The following DPP3 variants were observed in gnomAD, a reference collection of about 807,000 sequenced individuals.
DPP3 encodes the protein dipeptidyl peptidase 3.
DPP3 carries 64 observed loss-of-function variants against 89.8 expected under a neutral mutation model. That is an observed-to-expected ratio of 0.71 (90% confidence interval 0.58 to 0.88). DPP3 has a LOEUF of 0.88. DPP3 is among the 40% of genes least tolerant of loss of function. The pLI is 0.00. For missense variants in DPP3, 835 were observed against 972.5 expected (o/e 0.86, Z 1.88); for synonymous variants, 377 against 404.3 (o/e 0.93, Z 0.81).
chr11:66,495,585 A>C, intron 14 of DPP3, 45 bp from the exon 15 acceptor site: 1 of 1,613,818 alleles, frequency 6.2e-7, no homozygotes, highest in Non-Finnish European at 8.5e-7. Context: ...GGATGGGGAC[A>C]GGGCAGCCTC....
chr11:66,498,645 G>C (rs1176021067), intron 16 of DPP3, among the ~76,000 whole-genome samples: 1 of 152,228 alleles, frequency 6.6e-6, no homozygotes, highest in African/African-American at 2.4e-5. Flanking sequence ...AACAGCCCCA[G>C]AGAGAAGGTT....
intron 7 of DPP3, 43 bp downstream of exon 7, chr11:66,491,426 T>A (rs200734065): frequency 6.2e-7 from 1 of 1,606,146 alleles, no homozygotes; most frequent in Non-Finnish European, 8.5e-7. Context: ...TGAGGACCCC[T>A]CTGGGCAGCA....
At chr11:66,498,614 G>A (rs1855602086) in intron 16 of DPP3, among the ~76,000 whole-genome samples, 1 of 152,176 alleles carries the variant, frequency 6.6e-6, no homozygotes, top group African/African-American at 2.4e-5. Context: ...CACTTCTACA[G>A]GATATAATTT....
rs775403555 is a variant in DPP3 at position 66,486,693 on chromosome 11, C to G, written c.498+16C>G. 1.3e-6 allele frequency: 2 copies of G among 1,491,914 alleles called. No individual in the cohort carries two copies. Among genetic ancestry groups the G allele is most frequent in the East Asian group, 5.0e-5 (2 of 39,810 alleles). 92.4% of individuals were successfully genotyped at this position (1,491,914 alleles called of 1,614,324 possible). A position where few individuals can be genotyped will look rare whatever the true frequency, so the allele number is the denominator to read the frequency against. Reference sequence around the variant, plus strand: ...GGGGAAGGAGGTGAGGCCCCTGACTCCCCCGAGGGGACAGGGAGTGGAGGG... The same window carrying G: ...GGGGAAGGAGGTGAGGCCCCTGACTGCCCCGAGGGGACAGGGAGTGGAGGG... On this transcript the variant is annotated intron_variant, in intron 4 of 17. Transcript: ENST00000531863.
intron 17 of DPP3, among the ~76,000 whole-genome samples, chr11:66,506,833 A>G (rs1855814068): frequency 6.6e-6 from 1 of 151,778 alleles, no homozygotes; most frequent in African/African-American, 2.4e-5. Context: ...ACCCTGTGAG[A>G]GAGGTTGTCT....
At position 66,501,047 on chromosome 11, in the gene DPP3, G is replaced by C. The variant is rs558563748; in HGVS notation, c.1879-3565G>C. Among the ~76,000 whole-genome samples, 20 of 152,272 alleles carry C rather than the reference G, an allele frequency of 1.3e-4. No homozygotes were observed. In the South Asian group the frequency reaches 3.9e-3, roughly 30 times the overall value. On this transcript the variant is annotated intron_variant, in intron 16 of 17. Transcript: ENST00000531863. The stretch of plus-strand genomic sequence containing the variant: ...CTACTAAAAATAAAAAATTAGCCGG[G>C]TATGGTGGCATTTGCCTGTAGTCCC...
chr11:66,499,406 C>T (rs1468204860), intron 16 of DPP3, among the ~76,000 whole-genome samples: 1 of 151,970 alleles, frequency 6.6e-6, no homozygotes. Flanking sequence ...ATTTATAACA[C>T]ATATGGTTAG....
intron 9 of DPP3, 139 bp downstream of exon 9, chr11:66,491,895 C>T (rs139054866): frequency 3.3e-4 from 314 of 943,028 alleles, no homozygotes; most frequent in Non-Finnish European, 4.9e-4. Context: ...AAATAAACAC[C>T]GTTTACAATG....
Position 66,497,284 on chromosome 11 carries a change from C to A in DPP3, c.1699-14C>A. ...ATACGGGCTACAAATGCTGTCTTTC[C>A]CCTGCTCCGGCAGGCCCATATGCAG... On this transcript the variant is annotated splice_polypyrimidine_tract_variant and intron_variant, in intron 15 of 17. Coordinates refer to ENST00000531863, the MANE Select transcript of DPP3 (RefSeq NM_130443.4). 2 of 1,611,106 alleles carry A rather than the reference C, an allele frequency of 1.2e-6. No homozygotes were observed.
chr11:66,509,000 T>G (rs1388777083), intron 17 of DPP3, 79 bp from the exon 18 acceptor site: 1 of 1,538,218 alleles, frequency 6.5e-7, no homozygotes, highest in African/African-American at 1.4e-5. Flanking sequence ...GCTGTAATTG[T>G]GATTATTAAG....
At position 66,497,316 on chromosome 11, in the gene DPP3, T is replaced by A; in HGVS notation, c.1717T>A (p.Phe573Ile). Residue 573 changes from phenylalanine to isoleucine, a missense_variant, in exon 16 of 18, where the codon TTT becomes ATT. Phe to Ile is a conservative substitution (Grantham distance 21). Transcript: ENST00000531863. ...CCGGCAGGCCCATATGCAGGCCCGG[T>A]TTGTGATCCTGAGAGTCTTGCTGGA... The part of the protein sequence containing the change: ...NWRQAHMQAR[F>I]VILRVLLEAG... The A allele has an allele frequency of 6.2e-7, 1 of 1,613,774 alleles. No individual in the cohort carries two copies. Among genetic ancestry groups the A allele is most frequent in the Non-Finnish European group, 8.5e-7 (1 of 1,179,952 alleles).
At chr11:66,502,188 C>CA (rs1189120805) in intron 16 of DPP3, among the ~76,000 whole-genome samples, 4 of 151,052 alleles carry the variant, frequency 2.6e-5, no homozygotes, top group Non-Finnish European at 5.9e-5. Context: ...GACTCCATCT[C>CA]AAAAAAAAGA....
At chr11:66,482,674 C>A in intron 2 of DPP3, among the ~76,000 whole-genome samples, 1 of 152,214 alleles carries the variant, frequency 6.6e-6, no homozygotes, top group East Asian at 1.9e-4. Context: ...GTTGTGATGA[C>A]CCACTTAGAA....
rs1301178563 is a variant in DPP3 at position 66,495,439 on chromosome 11, C to T, written c.1527C>T (p.Cys509=). ...FSTIASSYEE[C]RAESVGLYLC... Reference sequence around the variant, plus strand: ...CCATCGCCTCCAGCTACGAAGAGTGCCGGGCTGAGAGCGTGGGTCTCTACC... The same window carrying T: ...CCATCGCCTCCAGCTACGAAGAGTGTCGGGCTGAGAGCGTGGGTCTCTACC... Residue 509 remains cysteine (C), a synonymous_variant, in exon 14 of 18, where the codon TGC becomes TGT. Coordinates refer to ENST00000531863, the MANE Select transcript of DPP3 (RefSeq NM_130443.4). The T allele has an allele frequency of 6.2e-7, 1 of 1,611,964 alleles. No homozygotes were observed. Among genetic ancestry groups the T allele is most frequent in the Non-Finnish European group, 8.5e-7 (1 of 1,179,048 alleles).
intron 17 of DPP3, among the ~76,000 whole-genome samples, chr11:66,505,972 C>T (rs1224153790): frequency 1.3e-5 from 2 of 152,080 alleles, no homozygotes; most frequent in Non-Finnish European, 1.5e-5. Context: ...TTTTTTGAGA[C>T]GGAGTCTCAC....
At chr11:66,503,983 C>T (rs1307789335) in intron 16 of DPP3, among the ~76,000 whole-genome samples, 1 of 152,076 alleles carries the variant, frequency 6.6e-6, no homozygotes, top group Non-Finnish European at 1.5e-5. Flanking sequence ...GAAGGCTGCT[C>T]TTCTCTTCCA....
At chr11:66,494,977 G>T (rs528862956) in intron 12 of DPP3, among the ~76,000 whole-genome samples, 3 of 152,302 alleles carry the variant, frequency 2.0e-5, no homozygotes, top group Non-Finnish European at 4.4e-5. Context: ...TCTGTGTGGT[G>T]GGGTAGGCAG....
At chr11:66,502,243 A>G (rs11227498) in intron 16 of DPP3, among the ~76,000 whole-genome samples, 32,193 of 151,914 alleles carry the variant, frequency 0.21, 3,854 homozygotes, top group East Asian at 0.27. Flanking sequence ...GGGGACAGCC[A>G]CAGAGTGCAG....
Position 66,482,360 on chromosome 11 carries a change from CCT to C in DPP3, c.161_162del (p.Pro54ArgfsTer28), listed in dbSNP as rs749178354. ...GGLAVLLQTS[P>X]EAPYIYALLS... ...CCTGGCTGTGCTGCTTCAGACCTCC[CCT>C]GAGGCCCCCTACATCTATGCTCTGC... On this transcript the variant is annotated frameshift_variant, in exon 2 of 18. Transcript: ENST00000531863. LOFTEE classifies it high-confidence loss of function. The C allele has an allele frequency of 1.2e-6, 2 of 1,612,932 alleles. No individual in the cohort carries two copies. The highest frequency in any genetic ancestry group is 2.2e-5 in the East Asian group (1 of 44,884).
Sources: gnomAD v4.1 joint callset for allele counts (sites outside exome capture counted in the v4.1 genomes callset) on GRCh38, gnomAD v4.1.1 for gene constraint, MANE v1.5 for transcripts, NCBI Gene and HGNC (gene_info 2026-07-23, HGNC 2026-07-21) for gene names.